Variants in NF1 observed in about 807,000 individuals in gnomAD.
NF1 encodes neurofibromin 1.
NF1 carries 122 observed loss-of-function variants against 325.7 expected under a neutral mutation model. The observed-to-expected ratio is 0.37, with a 90% CI of 0.32 to 0.44. NF1 has a LOEUF of 0.44. Among genes scored for constraint, NF1 ranks in the 20% least tolerant of loss-of-function variants. The pLI is 1.00. For missense variants in NF1, 2,140 were observed against 3,415.4 expected (o/e 0.63, Z 9.31); for synonymous variants, 1,091 against 1,186.0 (o/e 0.92, Z 1.65).
At position 31,102,627 on chromosome 17, in the gene NF1, C is replaced by G. The variant is rs569486153; in HGVS notation, c.60+7258C>G. Among the ~76,000 whole-genome samples the G allele has an allele frequency of 1.6e-3, 239 of 151,322 alleles. 1 individual carries two copies. The highest frequency in any genetic ancestry group is 3.2e-3 in the Admixed American group (48 of 15,134). ...GCATGTGCCTGTAGTCGCAGCTACT[C>G]AGGAGGCTGAGGCAGGAAGATCACT... On this transcript the variant is annotated intron_variant, in intron 1 of 57. Coordinates refer to ENST00000358273, the MANE Select transcript of NF1 (RefSeq NM_001042492.3).
chr17:31,341,619 G>GTGTGTGTATA (rs757959271), intron 47 of NF1, among the ~76,000 whole-genome samples: 1 of 149,174 alleles, frequency 6.7e-6, no homozygotes, highest in Non-Finnish European at 1.5e-5. Context: ...GTGTGTGTGT[G>GTGTGTGTATA]TACACACATA....
intron 36 of NF1, among the ~76,000 whole-genome samples, chr17:31,285,704 G>A (rs2068213449): frequency 6.6e-6 from 1 of 152,106 alleles, no homozygotes; most frequent in African/African-American, 2.4e-5. Context: ...TTAGTAGAGT[G>A]TGGTGATGAG....
chr17:31,134,394 CATGTT>C (rs1180379620), intron 1 of NF1, among the ~76,000 whole-genome samples: 1 of 152,030 alleles, frequency 6.6e-6, no homozygotes, highest in African/African-American at 2.4e-5. Context: ...GAATATGAAA[CATGTT>C]ATGGTTTATA....
At chr17:31,173,859 T>A (rs746947095) in intron 5 of NF1, among the ~76,000 whole-genome samples, 8 of 152,208 alleles carry the variant, frequency 5.3e-5, no homozygotes, top group Non-Finnish European at 1.2e-4. Flanking sequence ...GATTATGGTA[T>A]ATAACACATT....
chr17:31,226,464 C>G lies in NF1; in HGVS notation c.2031C>G (p.Pro677=), dbSNP rs753177596. Residue 677 remains proline, a synonymous_variant, in exon 18 of 58, where the codon CCC becomes CCG. Transcript: ENST00000358273. ...MDSAAGCSGT[P]PICRQAQTKL... The stretch of plus-strand genomic sequence containing the variant: ...GTGCAGCAGGATGCAGCGGAACCCC[C>G]CCGATTTGCCGACAAGCCCAGACCA... The G allele has an allele frequency of 5.6e-6, 9 of 1,613,718 alleles. No individual in the cohort carries two copies. Among genetic ancestry groups the G allele is most frequent in the Non-Finnish European group, 6.8e-6 (8 of 1,179,788 alleles).
intron 39 of NF1, among the ~76,000 whole-genome samples, chr17:31,332,852 G>A (rs2069542416): frequency 2.4e-5 from 1 of 42,020 alleles, no homozygotes; most frequent in African/African-American, 4.7e-5. Context: ...TCTTGCGATA[G>A]TTTACTGAGA....
intron 29 of NF1, among the ~76,000 whole-genome samples, chr17:31,247,104 G>T (rs1418375902): frequency 6.6e-6 from 1 of 151,214 alleles, no homozygotes; most frequent in Non-Finnish European, 1.5e-5. Flanking sequence ...GCTGAGGCAG[G>T]AGAATTGCTT....
At position 31,201,471 on chromosome 17, in the gene NF1, C is replaced by A. The variant is rs764079291; in HGVS notation, c.1246C>A (p.Arg416=). The change falls in exon 11 of 58, where the codon CGA becomes AGA. Residue 416 remains arginine (R), a synonymous_variant. Coordinates refer to ENST00000358273, the MANE Select transcript of NF1 (RefSeq NM_001042492.3). ...CTATGTGCTGGTAAATTCACTCCATCGAATCATCACCAATGTAAGTCCAAA... is the reference window on the plus strand; with the variant it reads ...CTATGTGCTGGTAAATTCACTCCATAGAATCATCACCAATGTAAGTCCAAA... ...FHYVLVNSLH[R]IITNSALDWW... 1 of 1,611,596 alleles carries A rather than the reference C, an allele frequency of 6.2e-7. No homozygotes were observed.
chr17:31,332,039 T>C (rs2069511139), intron 39 of NF1: 1 of 147,588 alleles, frequency 6.8e-6, no homozygotes, highest in Admixed American at 6.8e-5. Flanking sequence ...AAAAAAGTGA[T>C]AGGATGAAAC....
chr17:31,118,142 A>G (rs1169192657), intron 1 of NF1, among the ~76,000 whole-genome samples: 1 of 152,190 alleles, frequency 6.6e-6, no homozygotes, highest in Non-Finnish European at 1.5e-5. Flanking sequence ...TTGTGTTATA[A>G]GCATAAAAGT....
chr17:31,265,936 C>T (rs2067779650), intron 36 of NF1, among the ~76,000 whole-genome samples: 1 of 152,134 alleles, frequency 6.6e-6, no homozygotes, highest in South Asian at 2.1e-4. Flanking sequence ...GCTTGCCTTG[C>T]TTTCCCTACC....
At position 31,221,061 on chromosome 17, in the gene NF1, A is replaced by G. The variant is rs574020096; in HGVS notation, c.1642-789A>G. Reference sequence around the variant, plus strand: ...ATATGTTGACCAAGGACTGAAAGAAATGTCCAGAGCTTCACAGTTTCTGCT... The same window carrying G: ...ATATGTTGACCAAGGACTGAAAGAAGTGTCCAGAGCTTCACAGTTTCTGCT... On this transcript the variant is annotated intron_variant, in intron 14 of 57. Coordinates refer to ENST00000358273, the MANE Select transcript of NF1 (RefSeq NM_001042492.3). Among the ~76,000 whole-genome samples, 4 of 152,232 alleles carry G rather than the reference A, an allele frequency of 2.6e-5. No individual in the cohort carries two copies. The South Asian group carries it at 8.3e-4, about 32-fold the overall frequency.
intron 5 of NF1, 98 bp downstream of exon 5, chr17:31,170,095 C>T (rs2065906519): frequency 2.6e-6 from 2 of 755,716 alleles, no homozygotes; most frequent in African/African-American, 1.7e-5. Flanking sequence ...ACTAGAACAC[C>T]AAACTGGATT....
At chr17:31,181,882 A>T in intron 7 of NF1, 97 bp downstream of exon 7, 1 of 908,098 alleles carries the variant, frequency 1.1e-6, no homozygotes, top group Admixed American at 2.1e-5. Flanking sequence ...TTTTGTTATA[A>T]AGGTGCTTTT....
At chr17:31,208,752 G>A (rs1341387118) in intron 12 of NF1, among the ~76,000 whole-genome samples, 2 of 152,056 alleles carry the variant, frequency 1.3e-5, no homozygotes, top group South Asian at 2.1e-4. Context: ...TTAGCCAGGC[G>A]TGGTGGTGCA....
intron 48 of NF1, chr17:31,345,655 C>G (rs1473991064): frequency 6.2e-7 from 1 of 1,614,076 alleles, no homozygotes; most frequent in African/African-American, 1.3e-5. Context: ...AACATCAAGG[C>G]CAGCACCGAA....
At chr17:31,106,561 A>G (rs1027230729) in intron 1 of NF1, among the ~76,000 whole-genome samples, 1 of 152,244 alleles carries the variant, frequency 6.6e-6, no homozygotes, top group African/African-American at 2.4e-5. Flanking sequence ...AGGTAGTACA[A>G]ATATGCAAAA....
intron 36 of NF1, among the ~76,000 whole-genome samples, chr17:31,290,534 A>C (rs942431519): frequency 1.3e-5 from 2 of 152,202 alleles, no homozygotes; most frequent in African/African-American, 4.8e-5. Context: ...AAATAGAGGC[A>C]CAGAAACCTA....
chr17:31,264,599 A>G (rs889038749), intron 35 of NF1, among the ~76,000 whole-genome samples: 1 of 152,186 alleles, frequency 6.6e-6, no homozygotes, highest in Non-Finnish European at 1.5e-5. Context: ...AATGGGAAGA[A>G]GTAATATTTG....
Sources: gnomAD v4.1 joint callset for allele counts (sites outside exome capture counted in the v4.1 genomes callset) on GRCh38, gnomAD v4.1.1 for gene constraint, MANE v1.5 for transcripts, NCBI Gene and HGNC (gene_info 2026-07-23, HGNC 2026-07-21) for gene names.